RSPH14: variants seen among roughly 807,000 people sequenced by gnomAD.
RSPH14 encodes rhabdoid tumor deletion region gene 1.
RSPH14 carries 20 observed loss-of-function variants against 26.7 expected under a neutral mutation model. The observed-to-expected ratio is 0.75, with a 90% confidence interval of 0.53 to 1.09. The LOEUF (loss-of-function observed/expected upper bound fraction) is 1.09. RSPH14 is among the 50% of genes least tolerant of loss of function. The pLI is 0.00. For synonymous variants in RSPH14, 177 were observed against 189.3 expected (o/e 0.93, Z 0.53); for missense variants, 449 against 457.2 (o/e 0.98, Z 0.16).
chr22:23,136,471 G>A lies in RSPH14; in HGVS notation c.303-2327C>T, dbSNP rs1034804521. ...AGAAGTTGGCCACATTTCTGAGAAC[G>A]CTGAAGGAGTGCACGGGCCAGGCCA... On this transcript the variant is annotated intron_variant, in intron 3 of 6. Transcript: ENST00000216036. 9 of 508,348 alleles carry A rather than the reference G, an allele frequency of 1.8e-5. 2 individuals carry two copies. Among genetic ancestry groups the A allele is most frequent in the South Asian group, 2.1e-5 (1 of 47,368 alleles). 31.5% of individuals were successfully genotyped at this position (508,348 alleles called of 1,614,324 possible). A position where few individuals can be genotyped will look rare whatever the true frequency, so the allele number is the denominator to read the frequency against.
At chr22:23,095,334 A>G in intron 4 of RSPH14, 1 of 269,156 alleles carries the variant, frequency 3.7e-6, no homozygotes, top group Non-Finnish European at 7.2e-6. Context: ...CCAGCCACTC[A>G]GCAACATCGC....
At chr22:23,076,074 G>C (rs2068498652) in intron 4 of RSPH14, among the ~76,000 whole-genome samples, 1 of 152,224 alleles carries the variant, frequency 6.6e-6, no homozygotes. Flanking sequence ...TGAGGAGGAG[G>C]CTGTGCTGGA....
intron 4 of RSPH14, among the ~76,000 whole-genome samples, chr22:23,105,777 G>GC (rs1232238018): frequency 2.6e-5 from 4 of 152,242 alleles, no homozygotes; most frequent in Admixed American, 2.6e-4. Context: ...CTGGTGGGGA[G>GC]CAGGGGTGCA....
chr22:23,063,795 A>T, intron 5 of RSPH14, 107 bp downstream of exon 5: 1 of 974,062 alleles, frequency 1.0e-6, no homozygotes, highest in Non-Finnish European at 1.6e-6. Context: ...GGGCACAAGC[A>T]GGCAAGGGGA....
At chr22:23,115,071 A>C (rs1012408331) in intron 4 of RSPH14, among the ~76,000 whole-genome samples, 1 of 152,142 alleles carries the variant, frequency 6.6e-6, no homozygotes, top group African/African-American at 2.4e-5. Context: ...TAGTTGGGCC[A>C]GCTGGCCTTG....
At chr22:23,069,350 A>G (rs2068283854) in intron 4 of RSPH14, among the ~76,000 whole-genome samples, 1 of 152,218 alleles carries the variant, frequency 6.6e-6, no homozygotes, top group Non-Finnish European at 1.5e-5. Context: ...AGGATACACA[A>G]AGCTTCAGAT....
chr22:23,080,243 G>A (rs760760828), intron 4 of RSPH14, among the ~76,000 whole-genome samples: 40 of 152,312 alleles, frequency 2.6e-4, no homozygotes, highest in Non-Finnish European at 5.0e-4. Context: ...TTCCTCAGGC[G>A]ACACTATCAC....
chr22:23,130,109 AAG>A (rs1438692256), intron 4 of RSPH14, among the ~76,000 whole-genome samples: 40 of 97,704 alleles, frequency 4.1e-4, no homozygotes, highest in East Asian at 2.9e-3. Flanking sequence ...GAAAGAAAGA[AAG>A]AAAGAAAGAA....
the RSPH14 span, among the ~76,000 whole-genome samples, chr22:23,155,668 A>C: frequency 6.6e-6 from 1 of 152,214 alleles, no homozygotes; most frequent in Non-Finnish European, 1.5e-5. Context: ...CGTATGTTCC[A>C]TTTTAATGTC....
the RSPH14 span, among the ~76,000 whole-genome samples, chr22:23,176,715 A>G: frequency 2.0e-5 from 3 of 152,206 alleles, no homozygotes; most frequent in Admixed American, 2.0e-4. Flanking sequence ...CTTCTGCCCT[A>G]TTCTGGGTCA....
In RSPH14 at chr22:23,059,610, G is replaced by A; in HGVS notation, c.899C>T (p.Ala300Val). ...GGCCTTGCGGCCCTCGGGGGCCTCT[G>A]CCAGCATGGTAAGGGCCTTGGTGGC... ...LNATKALTML[A>V]EAPEGRKALQ... is the part of the protein sequence containing the mutation. The change falls in exon 7 of 7, where the codon GCA becomes GTA. Residue 300 changes from alanine (A) to valine (V), a missense_variant. By Grantham distance (64) the Ala-to-Val change is moderately conservative. Transcript: ENST00000216036. 6.2e-7 allele frequency: 1 copy of A among 1,613,256 alleles called. No individual in the cohort carries two copies. The highest frequency in any genetic ancestry group is 8.5e-7 in the Non-Finnish European group (1 of 1,179,682).
intron 4 of RSPH14, chr22:23,124,431 G>A (rs1246965221): frequency 8.5e-6 from 4 of 469,248 alleles, no homozygotes; most frequent in South Asian, 1.6e-5. Context: ...GCAGTCCTGC[G>A]CCAGCCTCGC....
At chr22:23,105,468 G>A (rs1272078161) in intron 4 of RSPH14, among the ~76,000 whole-genome samples, 2 of 152,358 alleles carry the variant, frequency 1.3e-5, no homozygotes, top group East Asian at 3.9e-4. Flanking sequence ...TGCTGCAGAG[G>A]GGTTCACAAG....
rs774671805 is a variant in RSPH14, at chr22:23,140,253, G to A, written c.168C>T (p.Asp56=). 27 of 1,614,006 alleles carry A rather than the reference G, an allele frequency of 1.7e-5. 2 individuals carry two copies. In the South Asian group the frequency reaches 3.0e-4, roughly 18 times the overall value. The change falls in exon 2 of 7, where the codon GAC becomes GAT. Residue 56 remains aspartate, a synonymous_variant. Coordinates refer to ENST00000216036, the MANE Select transcript of RSPH14 (RefSeq NM_014433.3). ...ALMALCDLMH[D]PECIYKAMNI... The stretch of plus-strand genomic sequence containing the variant: ...TCATGGCCTTGTAGATACACTCGGG[G>A]TCATGCATGAGGTCACACAAGGCCA...
At chr22:23,140,099 C>T in intron 2 of RSPH14, 123 bp downstream of exon 2, 1 of 1,233,652 alleles carries the variant, frequency 8.1e-7, no homozygotes, top group Non-Finnish European at 1.1e-6. Context: ...GGCACCGCAC[C>T]TATAGTGGAA....
chr22:23,159,851 G>A, the RSPH14 span, among the ~76,000 whole-genome samples: 55 of 152,322 alleles, frequency 3.6e-4, no homozygotes, highest in African/African-American at 1.3e-3. Flanking sequence ...CCAGCCCAAG[G>A]CAAGATGCCC....
chr22:23,094,187 G>T (rs554836443), intron 4 of RSPH14, among the ~76,000 whole-genome samples: 2 of 152,236 alleles, frequency 1.3e-5, no homozygotes, highest in East Asian at 3.9e-4. Context: ...GAGGCTGCGT[G>T]GGTCTCCGGA....
the RSPH14 span, among the ~76,000 whole-genome samples, chr22:23,151,247 A>G: frequency 6.6e-6 from 1 of 152,240 alleles, no homozygotes; most frequent in Non-Finnish European, 1.5e-5. Context: ...TGCTGGTGCC[A>G]TATCAGGTGC....
chr22:23,153,178 G>A, the RSPH14 span: 1 of 1,444,408 alleles, frequency 6.9e-7, no homozygotes, highest in Admixed American at 1.7e-5. Context: ...GCTTCCTACA[G>A]GCACCTGAGA....
Sources: gnomAD v4.1 joint callset for allele counts (sites outside exome capture counted in the v4.1 genomes callset) on GRCh38, gnomAD v4.1.1 for gene constraint, MANE v1.5 for transcripts, NCBI Gene and HGNC (gene_info 2026-07-23, HGNC 2026-07-21) for gene names.